Variants in CERKL observed in about 807,000 individuals in gnomAD.
The protein encoded by CERKL is ceramide kinase-like protein.
In CERKL, 61 loss-of-function variants were observed where a neutral mutation model predicts 63.4. That is an observed-to-expected ratio of 0.96 (90% CI 0.78 to 1.19). The LOEUF is 1.19. Among genes scored for constraint, CERKL ranks in the 50% most tolerant of loss-of-function variants. The pLI is 0.00. For missense variants in CERKL, 675 were observed against 655.5 expected (o/e 1.03, Z -0.33); for synonymous variants, 250 against 230.5 (o/e 1.08, Z -0.77).
intron 1 of CERKL, among the ~76,000 whole-genome samples, chr2:181,636,908 T>A (rs1687203646): frequency 6.6e-6 from 1 of 152,204 alleles, no homozygotes; most frequent in African/African-American, 2.4e-5. Flanking sequence ...ATGTAGTTAT[T>A]CTTTTGTCAA....
chr2:181,629,602 T>C (rs2105475070), intron 1 of CERKL, among the ~76,000 whole-genome samples: 1 of 150,962 alleles, frequency 6.6e-6, no homozygotes, highest in East Asian at 2.0e-4. Context: ...GTTCTGACAC[T>C]ACTCTCTCCT....
intron 1 of CERKL, among the ~76,000 whole-genome samples, chr2:181,607,104 A>T (rs1448475019): frequency 2.6e-5 from 4 of 152,224 alleles, no homozygotes; most frequent in African/African-American, 7.2e-5. Flanking sequence ...TGCAAAGCAC[A>T]AAGCACACAC....
rs140855111 is a variant in CERKL at position 181,636,122 on chromosome 2, C to G, written c.238+20647G>C. On this transcript the variant is annotated intron_variant, in intron 1 of 12. Transcript: ENST00000410087. The stretch of plus-strand genomic sequence containing the variant: ...TTTGTGTACTTTTCAAGCTACTTCC[C>G]TTCTGTTTACATATTTTGCTAGTCA... 5.8e-3 allele frequency among the ~76,000 whole-genome samples: 876 copies of G among 152,228 alleles called. 4 individuals carry two copies. Among genetic ancestry groups the G allele is most frequent in the Non-Finnish European group, 9.5e-3 (647 of 68,004 alleles).
At chr2:181,635,894 A>C (rs976600189) in intron 1 of CERKL, among the ~76,000 whole-genome samples, 4 of 152,198 alleles carry the variant, frequency 2.6e-5, no homozygotes, top group African/African-American at 9.6e-5. Flanking sequence ...AATATTATGA[A>C]TGTATAAAGA....
At chr2:181,562,219 T>C (rs1213763308) in intron 4 of CERKL, among the ~76,000 whole-genome samples, 2 of 152,164 alleles carry the variant, frequency 1.3e-5, no homozygotes, top group East Asian at 1.9e-4. Context: ...CAGAAAATCA[T>C]TGAATTCATC....
chr2:181,652,553 A>C (rs1444935654), intron 1 of CERKL, among the ~76,000 whole-genome samples: 1 of 152,178 alleles, frequency 6.6e-6, no homozygotes, highest in Non-Finnish European at 1.5e-5. Flanking sequence ...AAAAAGGGAA[A>C]TTATTCTCGA....
chr2:181,592,689 T>C (rs984028594), intron 2 of CERKL, among the ~76,000 whole-genome samples: 2 of 152,208 alleles, frequency 1.3e-5, no homozygotes, highest in East Asian at 1.9e-4. Context: ...GTTAAGAACA[T>C]GGACTGTGGG....
chr2:181,587,045 G>A (rs922090632), intron 2 of CERKL, among the ~76,000 whole-genome samples: 1 of 152,188 alleles, frequency 6.6e-6, no homozygotes, highest in Admixed American at 6.6e-5. Flanking sequence ...CAGTTAATGT[G>A]TAACAGTGAT....
At chr2:181,611,621 C>T (rs1038022596) in intron 1 of CERKL, among the ~76,000 whole-genome samples, 5 of 152,032 alleles carry the variant, frequency 3.3e-5, no homozygotes, top group Admixed American at 3.3e-4. Context: ...GGACCTCCAG[C>T]CTCCAGTGAG....
chr2:181,647,247 A>G (rs1323848946), intron 1 of CERKL, among the ~76,000 whole-genome samples: 1 of 152,232 alleles, frequency 6.6e-6, no homozygotes. Flanking sequence ...AGCTGTAATA[A>G]TGATTGCAAT....
chr2:181,573,399 T>C (rs987981258), intron 3 of CERKL, among the ~76,000 whole-genome samples: 1 of 152,116 alleles, frequency 6.6e-6, no homozygotes, highest in Non-Finnish European at 1.5e-5. Flanking sequence ...ACATCAACTA[T>C]ATAAGTGAGC....
rs189163426 is a variant in CERKL, at chr2:181,536,977, G to C, written c.*1207C>G. The C allele has an allele frequency of 7.7e-4, 347 of 452,332 alleles. 1 individual carries two copies. Among genetic ancestry groups the C allele is most frequent in the Non-Finnish European group, 7.4e-4 (167 of 226,212 alleles). The allele number at this position is 452,332 out of a possible 1,614,324, so 28.0% of individuals were successfully genotyped here. ...CCACTAGCCAGCCATCCTAATTGAT[G>C]AAAGTTATCTGTTCACAGGCCTGCA... On this transcript the variant is annotated 3_prime_UTR_variant, in exon 13 of 13. Coordinates refer to ENST00000410087, the MANE Select transcript of CERKL (RefSeq NM_201548.5).
chr2:181,605,448 G>A (rs1685636983), intron 1 of CERKL, among the ~76,000 whole-genome samples: 1 of 152,178 alleles, frequency 6.6e-6, no homozygotes, highest in African/African-American at 2.4e-5. Flanking sequence ...GATGACACAG[G>A]TGTTCCTACC....
chr2:181,631,361 A>G (rs1182486876), intron 1 of CERKL, among the ~76,000 whole-genome samples: 2 of 152,190 alleles, frequency 1.3e-5, no homozygotes, highest in African/African-American at 4.8e-5. Context: ...GCATAGATAC[A>G]CACCTGGAAA....
chr2:181,615,828 T>G (rs1446208896), intron 1 of CERKL, among the ~76,000 whole-genome samples: 3 of 152,220 alleles, frequency 2.0e-5, no homozygotes, highest in Admixed American at 1.3e-4. Flanking sequence ...TGTAGTTTAC[T>G]GAAAACCCAT....
At chr2:181,589,379 C>G (rs1442085249) in intron 2 of CERKL, among the ~76,000 whole-genome samples, 1 of 152,112 alleles carries the variant, frequency 6.6e-6, no homozygotes, top group Non-Finnish European at 1.5e-5. Context: ...ATTTCAAGTA[C>G]TGTGTTCAAA....
At chr2:181,591,267 C>T (rs993648) in intron 2 of CERKL, among the ~76,000 whole-genome samples, 56,123 of 151,776 alleles carry the variant, frequency 0.37, 13,596 homozygotes, top group African/African-American at 0.68. Context: ...CCAGTGCAAT[C>T]GGTTACCTAT....
chr2:181,581,487 G>A (rs1456720828), intron 2 of CERKL, among the ~76,000 whole-genome samples: 1 of 152,188 alleles, frequency 6.6e-6, no homozygotes, highest in Non-Finnish European at 1.5e-5. Context: ...AGTGAATCCT[G>A]TAGTTGACAG....
intron 2 of CERKL, among the ~76,000 whole-genome samples, chr2:181,580,466 T>C (rs1684455832): frequency 6.6e-6 from 1 of 152,116 alleles, no homozygotes. Context: ...TAATAATCAT[T>C]TAATTTCCCC....
Sources: allele counts gnomAD v4.1 joint callset (sites outside exome capture counted in the v4.1 genomes callset), GRCh38; gene constraint gnomAD v4.1.1; transcripts MANE v1.5; gene names NCBI Gene and HGNC (gene_info 2026-07-23, HGNC 2026-07-21).